The following FHIT variants were observed in gnomAD, a reference collection of about 807,000 sequenced individuals.
The protein encoded by FHIT is bis(5'-adenosyl)-triphosphatase.
In FHIT, 19 loss-of-function variants were observed where a neutral mutation model predicts 17.9. The ratio of observed to expected loss-of-function variants is 1.06; its 90% CI spans 0.74 to 1.56. FHIT has a LOEUF of 1.56. Ranked by LOEUF, FHIT falls within the 40% of genes most tolerant of loss-of-function variation. FHIT has a pLI of 0.00. For synonymous variants in FHIT, 81 were observed against 69.7 expected (o/e 1.16, Z -0.81); for missense variants, 248 against 189.2 (o/e 1.31, Z -1.82).
At chr3:60,598,873 T>A (rs2038353274) in intron 4 of FHIT, among the ~76,000 whole-genome samples, 1 of 152,166 alleles carries the variant, frequency 6.6e-6, no homozygotes, top group Non-Finnish European at 1.5e-5. Context: ...AACATACTGT[T>A]CACATTTTGA....
chr3:59,926,900 G>A (rs1359138400), intron 7 of FHIT, among the ~76,000 whole-genome samples: 3 of 152,146 alleles, frequency 2.0e-5, no homozygotes, highest in African/African-American at 7.2e-5. Flanking sequence ...CAGTTACTTT[G>A]GAAAACAGTT....
chr3:60,525,023 G>A (rs1270331300), intron 5 of FHIT, among the ~76,000 whole-genome samples: 1 of 152,186 alleles, frequency 6.6e-6, no homozygotes, highest in African/African-American at 2.4e-5. Flanking sequence ...GGGGTGGATG[G>A]AGGAGTACAA....
chr3:60,526,292 C>T (rs1420610348), intron 5 of FHIT, among the ~76,000 whole-genome samples: 1 of 152,034 alleles, frequency 6.6e-6, no homozygotes, highest in Non-Finnish European at 1.5e-5. Context: ...AAGTCTCGCC[C>T]CCGTTTGTTT....
chr3:60,576,099 C>T (rs367939516), intron 4 of FHIT, among the ~76,000 whole-genome samples: 20 of 152,030 alleles, frequency 1.3e-4, no homozygotes, highest in African/African-American at 3.9e-4. Flanking sequence ...GTCCAGGAGA[C>T]GCAAGACAGA....
At chr3:60,128,038 G>C (rs1008337254) in intron 5 of FHIT, among the ~76,000 whole-genome samples, 1 of 152,154 alleles carries the variant, frequency 6.6e-6, no homozygotes, top group Non-Finnish European at 1.5e-5. Flanking sequence ...TATATGCATG[G>C]ATATGAAGTA....
chr3:60,025,755 A>T (rs2106755948), intron 5 of FHIT, among the ~76,000 whole-genome samples: 1 of 151,590 alleles, frequency 6.6e-6, no homozygotes. Flanking sequence ...AAAAAGAGAG[A>T]GTGAAAACTT....
chr3:60,730,152 T>C, intron 4 of FHIT: 1 of 449,036 alleles, frequency 2.2e-6, no homozygotes, highest in Non-Finnish European at 4.5e-6. Flanking sequence ...GAAGGACCAC[T>C]GGGCTGTTTG....
At chr3:59,897,566 T>C (rs1559709257) in intron 8 of FHIT, among the ~76,000 whole-genome samples, 4 of 152,206 alleles carry the variant, frequency 2.6e-5, no homozygotes, top group Admixed American at 2.0e-4. Context: ...GAGAATTATT[T>C]GATAAATACT....
chr3:61,236,406 T>C (rs1368866082), intron 1 of FHIT, among the ~76,000 whole-genome samples: 1 of 152,044 alleles, frequency 6.6e-6, no homozygotes, highest in Non-Finnish European at 1.5e-5. Context: ...CTATTCTTAT[T>C]TAATGGATGA....
chr3:60,383,263 A>C (rs1454974494), intron 5 of FHIT, among the ~76,000 whole-genome samples: 1 of 152,138 alleles, frequency 6.6e-6, no homozygotes, highest in East Asian at 1.9e-4. Flanking sequence ...GTGAGATCTC[A>C]TTTTATAATG....
intron 2 of FHIT, among the ~76,000 whole-genome samples, chr3:61,191,685 G>A (rs905397550): frequency 7.2e-5 from 11 of 152,126 alleles, no homozygotes; most frequent in Non-Finnish European, 1.2e-4. Flanking sequence ...ACAGGGAAAG[G>A]GTTAACAGCT....
At chr3:59,806,191 A>G (rs986463729) in intron 8 of FHIT, among the ~76,000 whole-genome samples, 7 of 152,012 alleles carry the variant, frequency 4.6e-5, no homozygotes, top group Non-Finnish European at 1.0e-4. Context: ...AAAAAAAAAA[A>G]AGATCATGGG....
intron 3 of FHIT, among the ~76,000 whole-genome samples, chr3:60,842,277 T>G (rs1553745225): frequency 6.6e-6 from 1 of 151,926 alleles, no homozygotes; most frequent in Non-Finnish European, 1.5e-5. Flanking sequence ...CCCACTGTTA[T>G]CCGAGTCTGC....
At chr3:60,816,681 T>C (rs2106743151) in intron 4 of FHIT, among the ~76,000 whole-genome samples, 1 of 94,910 alleles carries the variant, frequency 1.1e-5, no homozygotes, top group Non-Finnish European at 2.3e-5. Context: ...TCAGGGATAT[T>C]GGCCTGTTGA....
intron 3 of FHIT, among the ~76,000 whole-genome samples, chr3:60,887,153 C>T (rs1467615881): frequency 2.0e-5 from 3 of 152,126 alleles, no homozygotes; most frequent in Non-Finnish European, 2.9e-5. Flanking sequence ...ACTTGCTTCT[C>T]TTAGATGGCC....
chr3:60,426,966 G>C (rs1702692467), intron 5 of FHIT, among the ~76,000 whole-genome samples: 1 of 152,036 alleles, frequency 6.6e-6, no homozygotes, highest in Non-Finnish European at 1.5e-5. Flanking sequence ...CTGTGACTAG[G>C]TTATGTTATA....
chr3:60,526,033 C>T (rs976355231), intron 5 of FHIT, among the ~76,000 whole-genome samples: 1 of 152,040 alleles, frequency 6.6e-6, no homozygotes, highest in Non-Finnish European at 1.5e-5. Context: ...AGTCCTGGAG[C>T]TCAAGGCTGC....
chr3:60,142,237 G>A (rs181127307), intron 5 of FHIT, among the ~76,000 whole-genome samples: 33 of 152,122 alleles, frequency 2.2e-4, no homozygotes, highest in African/African-American at 6.7e-4. Context: ...TACATAAACT[G>A]CATCTGTTTC....
At chr3:60,144,035 T>C (rs1199702830) in intron 5 of FHIT, among the ~76,000 whole-genome samples, 2 of 151,980 alleles carry the variant, frequency 1.3e-5, no homozygotes, top group Non-Finnish European at 2.9e-5. Context: ...AGAGCTGCCA[T>C]GTGTATGAAG....
Sources: gnomAD v4.1 joint callset for allele counts (sites outside exome capture counted in the v4.1 genomes callset) on GRCh38, gnomAD v4.1.1 for gene constraint, MANE v1.5 for transcripts, NCBI Gene and HGNC (gene_info 2026-07-23, HGNC 2026-07-21) for gene names.